Variants in PTP4A2 observed in about 807,000 individuals in gnomAD.
The protein encoded by PTP4A2 is protein tyrosine phosphatase 4A2, also known as protein tyrosine phosphatase type IVA 2.
In PTP4A2, 2 loss-of-function variants were observed where a neutral mutation model predicts 22.9. That is an observed-to-expected ratio of 0.09 (90% CI 0.04 to 0.27). The LOEUF (loss-of-function observed/expected upper bound fraction) is 0.27, where lower values mean the gene tolerates loss of function less well. Among genes scored for constraint, PTP4A2 ranks in the 10% least tolerant of loss-of-function variants. The pLI is 1.00. For synonymous variants in PTP4A2, 68 were observed against 69.1 expected (o/e 0.98, Z 0.08); for missense variants, 103 against 205.1 (o/e 0.50, Z 3.04).
At chr1:31,918,314 C>CA (rs1178241538) in intron 2 of PTP4A2, among the ~76,000 whole-genome samples, 1 of 151,936 alleles carries the variant, frequency 6.6e-6, no homozygotes, top group Non-Finnish European at 1.5e-5. Flanking sequence ...TTTCTCCTAC[C>CA]AATAGAAAAA....
At chr1:31,925,941 C>A (rs944066118) in intron 1 of PTP4A2, among the ~76,000 whole-genome samples, 2 of 151,330 alleles carry the variant, frequency 1.3e-5, no homozygotes, top group Admixed American at 6.6e-5. Context: ...GTCAGGAGAT[C>A]GAAGCCATAC....
chr1:31,926,133 A>G (rs1013690938), intron 1 of PTP4A2, among the ~76,000 whole-genome samples: 3 of 133,920 alleles, frequency 2.2e-5, no homozygotes, highest in African/African-American at 9.2e-5. Flanking sequence ...GTTTCAAAAA[A>G]TTAAAAAAAA....
At chr1:31,909,037 C>T in intron 5 of PTP4A2, 77 bp from the exon 6 acceptor site, 1 of 1,037,448 alleles carries the variant, frequency 9.6e-7, no homozygotes, top group Non-Finnish European at 1.5e-6. Flanking sequence ...TATTTACATC[C>T]TAAAGCCTTT....
Position 31,908,724 on chromosome 1 carries a change from G to A in PTP4A2, c.*128C>T, listed in dbSNP as rs1234618410. On this transcript the variant is annotated 3_prime_UTR_variant, in exon 6 of 6. Coordinates refer to ENST00000647444, the MANE Select transcript of PTP4A2 (RefSeq NM_080391.4). ...TTTGCTTTTGTTCCAATCATTAGGA[G>A]AGTGGTTGAGGAGTACTGAATCCAT... The A allele has an allele frequency of 1.5e-5, 9 of 588,124 alleles. No individual in the cohort carries two copies. In the East Asian group the frequency reaches 2.3e-4, roughly 15 times the overall value. 36.4% of individuals were successfully genotyped at this position (588,124 alleles called of 1,614,324 possible). A position where few individuals can be genotyped will look rare whatever the true frequency, so the allele number is the denominator to read the frequency against.
chr1:31,911,413 A>G (rs998167936), intron 4 of PTP4A2: 4 of 241,874 alleles, frequency 1.7e-5, no homozygotes, highest in Admixed American at 5.5e-5. Context: ...AATTATTTTA[A>G]TTTTGTTGCC....
intron 1 of PTP4A2, among the ~76,000 whole-genome samples, chr1:31,929,160 C>T (rs919770295): frequency 1.3e-5 from 2 of 152,174 alleles, no homozygotes; most frequent in Non-Finnish European, 2.9e-5. Flanking sequence ...TCCATTTTTC[C>T]TCTAAAGATT....
At chr1:31,912,548 T>C (rs1651592808) in intron 3 of PTP4A2, among the ~76,000 whole-genome samples, 1 of 152,188 alleles carries the variant, frequency 6.6e-6, no homozygotes, top group East Asian at 1.9e-4. Context: ...CAATTAAGAC[T>C]AATCCCACGA....
intron 1 of PTP4A2, chr1:31,921,815 C>G (rs1332631462): frequency 1.3e-5 from 2 of 152,160 alleles, no homozygotes; most frequent in Non-Finnish European, 2.9e-5. Context: ...CACTATTCAT[C>G]TATCCTCAAG....
chr1:31,909,301 A>G (rs1423957613), intron 5 of PTP4A2, among the ~76,000 whole-genome samples: 2 of 152,228 alleles, frequency 1.3e-5, no homozygotes, highest in Non-Finnish European at 2.9e-5. Flanking sequence ...ACAAAATAGC[A>G]TGATTCGTTA....
chr1:31,915,773 C>G, intron 3 of PTP4A2, 122 bp downstream of exon 3: 1 of 646,238 alleles, frequency 1.5e-6, no homozygotes, highest in Non-Finnish European at 2.6e-6. Context: ...CTCCTGGGTT[C>G]AAGTGATCTT....
Position 31,908,101 on chromosome 1 carries a change from A to G in PTP4A2, c.*751T>C. The G allele has an allele frequency of 1.0e-5, 1 of 99,312 alleles. No individual in the cohort carries two copies. Among genetic ancestry groups the G allele is most frequent in the African/African-American group, 3.9e-5 (1 of 25,348 alleles). 6.2% of individuals were successfully genotyped at this position (99,312 alleles called of 1,614,324 possible). On this transcript the variant is annotated 3_prime_UTR_variant, in exon 6 of 6. Coordinates refer to ENST00000647444, the MANE Select transcript of PTP4A2 (RefSeq NM_080391.4). ...CACCCTTTCATCAGTAAAGACTAAA[A>G]ACCACCTGGAAAATATATATATATA...
chr1:31,908,952 C>T lies in PTP4A2; in HGVS notation c.404G>A (p.Arg135Lys). 7 of 1,611,760 alleles carry T rather than the reference C, an allele frequency of 4.3e-6. No homozygotes were observed. Among genetic ancestry groups the T allele is most frequent in the Non-Finnish European group, 5.9e-6 (7 of 1,178,264 alleles). ...CAGCTGTTTGGAATTGAACGCTCCC[C>T]TTCTTTTTCTGAAAATACAAGAATG... Reference protein sequence around the residue: ...DAVQFIRQKRRGAFNSKQLLY... With the variant: ...DAVQFIRQKRKGAFNSKQLLY... The change falls in exon 6 of 6, where the codon AGG becomes AAG. Residue 135 changes from arginine (R) to lysine (K), a missense_variant. Physicochemically the swap from Arg to Lys is conservative, Grantham distance 26. Coordinates refer to ENST00000647444, the MANE Select transcript of PTP4A2 (RefSeq NM_080391.4).
At position 31,908,112 on chromosome 1, in the gene PTP4A2, A is replaced by ATG. The variant is rs1327337633; in HGVS notation, c.*739_*740insCA. 5.3e-5 allele frequency: 1 copy of ATG among 18,776 alleles called. No individual in the cohort carries two copies. Among genetic ancestry groups the ATG allele is most frequent in the African/African-American group, 4.9e-4 (1 of 2,056 alleles). The allele number at this position is 18,776 out of a possible 1,614,324, so 1.2% of individuals were successfully genotyped here. ...CAGTAAAGACTAAAAACCACCTGGA[A>ATG]AATATATATATATATATATATATTA... On this transcript the variant is annotated 3_prime_UTR_variant, in exon 6 of 6. Transcript: ENST00000647444.
chr1:31,932,127 T>C (rs576717660), intron 1 of PTP4A2, among the ~76,000 whole-genome samples: 38 of 152,270 alleles, frequency 2.5e-4, no homozygotes, highest in African/African-American at 8.9e-4. Flanking sequence ...AACAATACAT[T>C]AGTTAACAGC....
intron 2 of PTP4A2, among the ~76,000 whole-genome samples, chr1:31,917,510 C>T (rs1011083143): frequency 6.6e-6 from 1 of 152,108 alleles, no homozygotes; most frequent in Non-Finnish European, 1.5e-5. Flanking sequence ...TGAAAAGTTG[C>T]GATAAAATTT....
rs1392350361 is a variant in PTP4A2 at position 31,922,440 on chromosome 1, G to GCCAC, written c.-593-2786_-593-2783dup. ...AGAGGTTGCAGGGAGCCAAGATTGT[G>GCCAC]CCACTGCACTCCAGCCTGGGCAACA... On this transcript the variant is annotated intron_variant, in intron 1 of 5. Transcript: ENST00000647444. Among the ~76,000 whole-genome samples, 5 of 152,218 alleles carry GCCAC rather than the reference G, an allele frequency of 3.3e-5. No homozygotes were observed. In the East Asian group the frequency reaches 9.6e-4, roughly 29 times the overall value.
At chr1:31,918,259 A>G (rs1569601690) in intron 2 of PTP4A2, among the ~76,000 whole-genome samples, 1 of 152,342 alleles carries the variant, frequency 6.6e-6, no homozygotes, top group Non-Finnish European at 1.5e-5. Context: ...AAAAAAAAAA[A>G]AAAACTTATG....
At chr1:31,913,281 G>C (rs1377765619) in intron 3 of PTP4A2, among the ~76,000 whole-genome samples, 3 of 152,154 alleles carry the variant, frequency 2.0e-5, no homozygotes, top group South Asian at 2.1e-4. Flanking sequence ...TAAAATCTCT[G>C]TCTGGGAAAA....
intron 1 of PTP4A2, among the ~76,000 whole-genome samples, chr1:31,932,170 T>C (rs1652752660): frequency 6.6e-6 from 1 of 152,174 alleles, no homozygotes; most frequent in African/African-American, 2.4e-5. Flanking sequence ...AATAAAAATA[T>C]AAAGTAATTT....
Sources: gnomAD v4.1 joint callset for allele counts (sites outside exome capture counted in the v4.1 genomes callset) on GRCh38, gnomAD v4.1.1 for gene constraint, MANE v1.5 for transcripts, NCBI Gene and HGNC (gene_info 2026-07-23, HGNC 2026-07-21) for gene names.